The following PDE7B variants were observed in gnomAD, a reference collection of about 807,000 sequenced individuals.
The protein encoded by PDE7B is 3',5'-cyclic-AMP phosphodiesterase 7B.
A neutral mutation model predicts 56.2 loss-of-function variants in PDE7B; 29 were observed. That is an observed-to-expected ratio of 0.52 (90% confidence interval 0.38 to 0.70). PDE7B has a LOEUF of 0.70. PDE7B is among the 30% of genes least tolerant of loss of function. The pLI is 0.00. For synonymous variants in PDE7B, 197 were observed against 196.9 expected (o/e 1.00, Z 0.00); for missense variants, 490 against 565.0 (o/e 0.87, Z 1.35).
intron 2 of PDE7B, among the ~76,000 whole-genome samples, chr6:135,956,263 G>T (rs1244702735): frequency 1.3e-5 from 2 of 152,130 alleles, no homozygotes; most frequent in African/African-American, 2.4e-5. Flanking sequence ...GGAGAGAATG[G>T]TATCTTAGCC....
At chr6:136,107,032 T>C (rs929410283) in intron 2 of PDE7B, among the ~76,000 whole-genome samples, 6 of 152,232 alleles carry the variant, frequency 3.9e-5, no homozygotes, top group Admixed American at 2.6e-4. Context: ...ATACAAAGCA[T>C]TGAAGAAGGC....
chr6:136,044,452 A>G (rs1389858685), intron 2 of PDE7B: 1 of 152,198 alleles, frequency 6.6e-6, no homozygotes, highest in African/African-American at 2.4e-5. Context: ...CAGATTACTC[A>G]AGAAACATGA....
Position 136,001,991 on chromosome 6 carries a change from CA to C in PDE7B, c.82+54468del, listed in dbSNP as rs376672228. Among the ~76,000 whole-genome samples, 533 of 152,312 alleles carry C rather than the reference CA, an allele frequency of 3.5e-3. 1 individual carries two copies. The highest frequency in any genetic ancestry group is 0.011 in the African/African-American group (451 of 41,574). ...CACAAAGGGAAGCCCATCAGACTAA[CA>C]GCGGATCTCTCGGCAGAAACTCTAT... is the stretch of plus-strand genomic sequence containing the variant. On this transcript the variant is annotated intron_variant, in intron 2 of 12. Coordinates refer to ENST00000308191, the MANE Select transcript of PDE7B (RefSeq NM_018945.4).
intron 7 of PDE7B, 100 bp from the exon 8 acceptor site, chr6:136,155,527 A>G: frequency 2.0e-6 from 2 of 1,007,014 alleles, no homozygotes; most frequent in Non-Finnish European, 1.5e-6. Flanking sequence ...ATAGGCTTAA[A>G]CAATGCCATG....
At chr6:136,075,063 T>G (rs1038494740) in intron 2 of PDE7B, among the ~76,000 whole-genome samples, 1 of 152,212 alleles carries the variant, frequency 6.6e-6, no homozygotes, top group Non-Finnish European at 1.5e-5. Context: ...TGAAACAAAT[T>G]CACAAAATTA....
At chr6:135,991,865 C>G (rs1051875756) in intron 2 of PDE7B, 3 of 152,160 alleles carry the variant, frequency 2.0e-5, no homozygotes, top group African/African-American at 4.8e-5. Flanking sequence ...ATCGAGGAGA[C>G]ATGCATGAAG....
At chr6:136,056,956 T>C (rs1448700758) in intron 2 of PDE7B, among the ~76,000 whole-genome samples, 1 of 152,222 alleles carries the variant, frequency 6.6e-6, no homozygotes. Flanking sequence ...CATACTTCTC[T>C]TTAATTCATT....
intron 2 of PDE7B, among the ~76,000 whole-genome samples, chr6:135,952,823 G>A (rs1420848532): frequency 6.6e-6 from 1 of 152,108 alleles, no homozygotes. Context: ...GAGCTTTACT[G>A]TCATCATTGG....
intron 2 of PDE7B, among the ~76,000 whole-genome samples, chr6:136,106,844 A>G (rs1022601264): frequency 1.3e-5 from 2 of 152,188 alleles, no homozygotes; most frequent in Non-Finnish European, 2.9e-5. Context: ...ACCCCATATT[A>G]AAGTACATAA....
chr6:135,890,829 G>GT (rs1406485472), intron 1 of PDE7B, among the ~76,000 whole-genome samples: 7 of 152,012 alleles, frequency 4.6e-5, no homozygotes, highest in South Asian at 4.2e-4. Flanking sequence ...TATTAGAGTT[G>GT]TTTTTTTTCT....
At chr6:136,073,364 C>T (rs774841195) in intron 2 of PDE7B, among the ~76,000 whole-genome samples, 4 of 152,170 alleles carry the variant, frequency 2.6e-5, no homozygotes, top group African/African-American at 7.2e-5. Flanking sequence ...CATAAAATTA[C>T]GGGCATATGT....
intron 1 of PDE7B, among the ~76,000 whole-genome samples, chr6:135,871,269 G>A (rs1206696936): frequency 2.6e-5 from 4 of 152,088 alleles, no homozygotes; most frequent in Non-Finnish European, 4.4e-5. Context: ...AAGTTGATTA[G>A]AACTGAAAAA....
intron 3 of PDE7B, among the ~76,000 whole-genome samples, chr6:136,145,959 A>C (rs1299617384): frequency 6.6e-6 from 1 of 152,172 alleles, no homozygotes; most frequent in Non-Finnish European, 1.5e-5. Flanking sequence ...CCTTCACCTG[A>C]ATCTCTGATA....
intron 3 of PDE7B, among the ~76,000 whole-genome samples, chr6:136,142,437 T>A (rs1198379556): frequency 6.6e-6 from 1 of 152,208 alleles, no homozygotes; most frequent in Non-Finnish European, 1.5e-5. Context: ...TTCTGTTGAT[T>A]TGGGGTGGAG....
Position 136,191,664 on chromosome 6 carries a change from A to G in PDE7B, c.1177A>G (p.Thr393Ala). The change falls in exon 13 of 13, where the codon ACG (threonine) becomes GCG (alanine). Residue 393 changes from threonine to alanine, a missense_variant. Physicochemically the swap from Thr to Ala is moderately conservative, Grantham distance 58. Coordinates refer to ENST00000308191, the MANE Select transcript of PDE7B (RefSeq NM_018945.4). Reference sequence around the variant, plus strand: ...GCTCTTCCGGGAATGGGCCCATTTCACGGGTAACAGCACCCTGTCGGAGAA... The same window carrying G: ...GCTCTTCCGGGAATGGGCCCATTTCGCGGGTAACAGCACCCTGTCGGAGAA... ...EPLFREWAHFTGNSTLSENML... is the reference protein window; with the variant it reads ...EPLFREWAHFAGNSTLSENML... 7 of 1,614,116 alleles carry G rather than the reference A, an allele frequency of 4.3e-6. No homozygotes were observed. The highest frequency in any genetic ancestry group is 5.9e-6 in the Non-Finnish European group (7 of 1,179,982).
chr6:136,076,536 G>T (rs959957575), intron 2 of PDE7B, among the ~76,000 whole-genome samples: 4 of 152,124 alleles, frequency 2.6e-5, no homozygotes, highest in African/African-American at 4.8e-5. Context: ...ATTGAAGGCA[G>T]CAAGGAAATG....
intron 2 of PDE7B, among the ~76,000 whole-genome samples, chr6:136,078,165 G>A (rs1777151955): frequency 6.6e-6 from 1 of 152,188 alleles, no homozygotes; most frequent in Non-Finnish European, 1.5e-5. Context: ...AGAGTTGTGA[G>A]TCAGCTACAA....
chr6:135,856,084 C>T (rs558919426), intron 1 of PDE7B, among the ~76,000 whole-genome samples: 3 of 152,314 alleles, frequency 2.0e-5, no homozygotes, highest in South Asian at 4.2e-4. Flanking sequence ...ATTTCCACTA[C>T]TCTCTGTGTA....
chr6:136,186,987 T>C (rs1270371132), intron 11 of PDE7B, 49 bp from the exon 12 acceptor site: 2 of 925,982 alleles, frequency 2.2e-6, no homozygotes, highest in South Asian at 2.8e-5. Context: ...ACTCATTTTA[T>C]AAGTTCTAGA....
Sources: gnomAD v4.1 joint callset for allele counts (sites outside exome capture counted in the v4.1 genomes callset) on GRCh38, gnomAD v4.1.1 for gene constraint, MANE v1.5 for transcripts, NCBI Gene and HGNC (gene_info 2026-07-23, HGNC 2026-07-21) for gene names.